STK32B: variants seen among roughly 807,000 people sequenced by gnomAD.
STK32B encodes serine/threonine kinase 32B.
STK32B carries 43 observed loss-of-function variants against 52.6 expected under a neutral mutation model. The ratio of observed to expected loss-of-function variants is 0.82; its 90% confidence interval spans 0.64 to 1.05. The LOEUF (loss-of-function observed/expected upper bound fraction) is 1.05, where lower values mean the gene tolerates loss of function less well. STK32B is among the 50% of genes least tolerant of loss of function. The probability of loss-of-function intolerance (pLI) is 0.00; values close to 1 mark genes in which losing one functional copy is unlikely to be tolerated. For missense variants in STK32B, 621 were observed against 534.6 expected (o/e 1.16, Z -1.59); for synonymous variants, 238 against 204.3 (o/e 1.17, Z -1.41).
intron 4 of STK32B, among the ~76,000 whole-genome samples, chr4:5,365,112 G>A (rs1380586872): frequency 6.6e-6 from 1 of 152,010 alleles, no homozygotes; most frequent in Non-Finnish European, 1.5e-5. Context: ...CTGACCTCAG[G>A]TGATCCACCC....
intron 3 of STK32B, among the ~76,000 whole-genome samples, chr4:5,313,258 A>C (rs1560307246): frequency 6.6e-6 from 1 of 152,072 alleles, no homozygotes; most frequent in South Asian, 2.1e-4. Context: ...GTAATCTACC[A>C]TGTTCAACAA....
In STK32B at chr4:5,168,557, C is replaced by T. The variant is rs3749566; in HGVS notation, c.260+107C>T. ...TCCGCATTGTAAAGGGAAAGGGATG[C>T]AATTTTCTGGGTTCAGTTATTCTTA... On this transcript the variant is annotated intron_variant, in intron 3 of 11. Transcript: ENST00000282908. 309,030 of 1,306,002 alleles carry T rather than the reference C, an allele frequency of 0.24. 38,659 individuals are homozygous for T. The highest frequency in any genetic ancestry group is 0.27 in the East Asian group (10,591 of 39,350). 80.9% of individuals were successfully genotyped at this position (1,306,002 alleles called of 1,614,324 possible). A position where few individuals can be genotyped will look rare whatever the true frequency, so the allele number is the denominator to read the frequency against.
At chr4:5,154,642 G>T (rs1483951127) in intron 2 of STK32B, among the ~76,000 whole-genome samples, 1 of 152,312 alleles carries the variant, frequency 6.6e-6, no homozygotes, top group Admixed American at 6.5e-5. Flanking sequence ...CCCTTCCTGT[G>T]TCTGGTGCTC....
chr4:5,430,281 C>T (rs1713463251), intron 6 of STK32B, among the ~76,000 whole-genome samples: 1 of 152,198 alleles, frequency 6.6e-6, no homozygotes, highest in African/African-American at 2.4e-5. Flanking sequence ...CCATCCCCCA[C>T]CACACTGTTG....
At chr4:5,163,720 A>G (rs1439736282) in intron 2 of STK32B, among the ~76,000 whole-genome samples, 1 of 152,210 alleles carries the variant, frequency 6.6e-6, no homozygotes. Flanking sequence ...AGGCAAAAGG[A>G]TATCTGCAGA....
At chr4:5,176,983 T>A (rs11721507) in intron 3 of STK32B, among the ~76,000 whole-genome samples, 128,587 of 152,186 alleles carry the variant, frequency 0.84, 54,431 homozygotes, top group East Asian at 0.98. Context: ...ATAATGACAT[T>A]ATAATGCCTT....
rs114035518 is a variant in STK32B, at chr4:5,225,860, T to C, written c.260+57410T>C. On this transcript the variant is annotated intron_variant, in intron 3 of 11. Transcript: ENST00000282908. ...AGTTTGGTCTTTTGCTTAGTAACTC[T>C]GAAAATGAGTGCTTAGGAGGTGTGC... Among the ~76,000 whole-genome samples the C allele has an allele frequency of 3.3e-3, 503 of 152,342 alleles. 1 individual carries two copies. The highest frequency in any genetic ancestry group is 5.7e-3 in the Non-Finnish European group (386 of 68,030).
chr4:5,439,671 C>T (rs1420576769), intron 6 of STK32B, among the ~76,000 whole-genome samples: 1 of 152,118 alleles, frequency 6.6e-6, no homozygotes, highest in African/African-American at 2.4e-5. Flanking sequence ...GACATGAAGT[C>T]CTTGCCCTTG....
At chr4:5,307,591 C>A (rs1035482054) in intron 3 of STK32B, among the ~76,000 whole-genome samples, 1 of 149,176 alleles carries the variant, frequency 6.7e-6, no homozygotes, top group Non-Finnish European at 1.5e-5. Flanking sequence ...TTCTCTAGTA[C>A]CTCCTTGATT....
chr4:5,084,370 T>G (rs1055824437), intron 1 of STK32B, among the ~76,000 whole-genome samples: 19 of 152,238 alleles, frequency 1.2e-4, no homozygotes, highest in Admixed American at 5.9e-4. Context: ...TTTACAACAG[T>G]GAAAGATGGT....
At chr4:5,043,296 T>C in the STK32B span, among the ~76,000 whole-genome samples, 1 of 152,166 alleles carries the variant, frequency 6.6e-6, no homozygotes, top group African/African-American at 2.4e-5. Context: ...CCTGGAAAAT[T>C]TCTTTCTGTG....
intron 3 of STK32B, among the ~76,000 whole-genome samples, chr4:5,193,651 T>C (rs111823659): frequency 1.3e-5 from 2 of 152,356 alleles, no homozygotes; most frequent in African/African-American, 4.8e-5. Flanking sequence ...GAACAGCCCA[T>C]AGCCTCAGAG....
At chr4:5,095,454 A>G (rs892645170) in intron 1 of STK32B, among the ~76,000 whole-genome samples, 12 of 152,104 alleles carry the variant, frequency 7.9e-5, no homozygotes, top group African/African-American at 2.9e-4. Flanking sequence ...GCCTCTATTA[A>G]AACTATAAAA....
intron 3 of STK32B, among the ~76,000 whole-genome samples, chr4:5,327,072 ACAACT>A (rs974582829): frequency 2.6e-5 from 4 of 152,108 alleles, no homozygotes; most frequent in African/African-American, 9.7e-5. Flanking sequence ...CTTAGGGGAA[ACAACT>A]CAACTCCTCA....
intron 2 of STK32B, among the ~76,000 whole-genome samples, chr4:5,162,023 T>C (rs1202556872): frequency 1.3e-5 from 2 of 152,106 alleles, no homozygotes; most frequent in Admixed American, 1.3e-4. Flanking sequence ...TCAGGTCCCG[T>C]TGATGGGGTA....
chr4:5,072,513 A>G (rs150014306), intron 1 of STK32B, among the ~76,000 whole-genome samples: 122 of 152,074 alleles, frequency 8.0e-4, no homozygotes, highest in East Asian at 1.9e-3. Context: ...TCATCTTTCA[A>G]CCTCATCATT....
rs537889397 is a variant in STK32B, at chr4:5,359,876, G to GACTT, written c.434+28485_434+28488dup. On this transcript the variant is annotated intron_variant, in intron 4 of 11. Transcript: ENST00000282908. Reference sequence around the variant, plus strand: ...GAAAGGTGAGACATGAGGTAATAGGGACTTATCAGCCTCTGCTTTTACTCT... The same window carrying GACTT: ...GAAAGGTGAGACATGAGGTAATAGGGACTTACTTATCAGCCTCTGCTTTTACTCT... 1.8e-4 allele frequency among the ~76,000 whole-genome samples: 27 copies of GACTT among 152,264 alleles called. No individual in the cohort carries two copies. In the East Asian group the frequency reaches 5.2e-3, roughly 29 times the overall value.
chr4:5,329,632 G>A (rs1211210912), intron 3 of STK32B, among the ~76,000 whole-genome samples: 3 of 152,148 alleles, frequency 2.0e-5, no homozygotes, highest in Non-Finnish European at 4.4e-5. Context: ...CACTGTGCAC[G>A]CCTCCAGGGC....
At chr4:5,314,604 A>T (rs1331070840) in intron 3 of STK32B, among the ~76,000 whole-genome samples, 1 of 152,196 alleles carries the variant, frequency 6.6e-6, no homozygotes, top group East Asian at 1.9e-4. Context: ...CAGGAGGCGG[A>T]GGTTGCAGTG....
Sources: gnomAD v4.1 joint callset for allele counts (sites outside exome capture counted in the v4.1 genomes callset) on GRCh38, gnomAD v4.1.1 for gene constraint, MANE v1.5 for transcripts, NCBI Gene and HGNC (gene_info 2026-07-23, HGNC 2026-07-21) for gene names.